The following SAMD3 variants were observed in gnomAD, a reference collection of about 807,000 sequenced individuals.
SAMD3 encodes sterile alpha motif domain containing 3.
A neutral mutation model predicts 58.5 loss-of-function variants in SAMD3; 63 were observed. The ratio of observed to expected loss-of-function variants is 1.08; its 90% CI spans 0.88 to 1.33. SAMD3 has a LOEUF of 1.33. Among genes scored for constraint, SAMD3 ranks in the 40% most tolerant of loss-of-function variants. SAMD3 has a pLI of 0.00. For missense variants in SAMD3, 604 were observed against 608.4 expected, an observed-to-expected ratio of 0.99 and a Z score of 0.08; for synonymous variants, 220 against 210.3, an observed-to-expected ratio of 1.05 and a Z score of -0.40.
chr6:130,288,453 A>G (rs1775242493), intron 2 of SAMD3, among the ~76,000 whole-genome samples: 1 of 138,818 alleles, frequency 7.2e-6, no homozygotes, highest in Non-Finnish European at 1.6e-5. Context: ...TGTTAATCAC[A>G]TCTGAAAAAA....
At chr6:130,242,142 C>T (rs1773381268) in intron 2 of SAMD3, among the ~76,000 whole-genome samples, 2 of 152,136 alleles carry the variant, frequency 1.3e-5, no homozygotes, top group African/African-American at 4.8e-5. Context: ...TTTAGCTACT[C>T]ATATTATAAC....
chr6:130,219,291 G>T (rs999876320), intron 1 of SAMD3, among the ~76,000 whole-genome samples: 1 of 151,926 alleles, frequency 6.6e-6, no homozygotes, highest in Non-Finnish European at 1.5e-5. Flanking sequence ...TATGCTAAAC[G>T]ATATGAAACA....
chr6:130,198,770 A>C (rs1431755893), intron 5 of SAMD3, among the ~76,000 whole-genome samples: 1 of 152,226 alleles, frequency 6.6e-6, no homozygotes, highest in Non-Finnish European at 1.5e-5. Context: ...GTGACTCTTG[A>C]GAATTACAAA....
chr6:130,269,088 CTTAACT>C (rs757608883), intron 2 of SAMD3, among the ~76,000 whole-genome samples: 5 of 152,148 alleles, frequency 3.3e-5, no homozygotes, highest in African/African-American at 4.8e-5. Flanking sequence ...TTCTTATACT[CTTAACT>C]TTAAGTCCGT....
intron 2 of SAMD3, among the ~76,000 whole-genome samples, chr6:130,241,339 CCAAGGAG>C (rs1179988946): frequency 6.6e-6 from 1 of 151,822 alleles, no homozygotes; most frequent in Non-Finnish European, 1.5e-5. Flanking sequence ...CTTCAGCCTC[CCAAGGAG>C]CTGGGACTAC....
At chr6:130,305,914 A>C (rs1379047761) in intron 2 of SAMD3, among the ~76,000 whole-genome samples, 3 of 152,260 alleles carry the variant, frequency 2.0e-5, no homozygotes, top group Non-Finnish European at 4.4e-5. Context: ...CTATTTCTGA[A>C]TACTTGGAAG....
At position 130,292,269 on chromosome 6, in the gene SAMD3, TTC is replaced by T. The variant is rs1491081556; in HGVS notation, c.-188+20707_-188+20708del. On this transcript the variant is annotated intron_variant, in intron 2 of 13. Coordinates refer to the SAMD3 transcript ENST00000368134. ...CAGGAATAACTTTTTTTTTCTTTCTTTCTTTTTTTTTTTTTTTTGAGACGGAG... is the reference window on the plus strand; with the variant it reads ...CAGGAATAACTTTTTTTTTCTTTCTTTTTTTTTTTTTTTTTTGAGACGGAG... 9.6e-3 allele frequency among the ~76,000 whole-genome samples: 1,402 copies of T among 146,410 alleles called. 37 individuals carry two copies. The highest frequency in any genetic ancestry group is 0.029 in the African/African-American group (1,094 of 38,206).
intron 2 of SAMD3, among the ~76,000 whole-genome samples, chr6:130,303,444 C>T (rs1314135461): frequency 6.6e-6 from 1 of 152,150 alleles, no homozygotes; most frequent in African/African-American, 2.4e-5. Flanking sequence ...TTAACATGGC[C>T]AAAAGGTTAA....
intron 5 of SAMD3, among the ~76,000 whole-genome samples, chr6:130,198,641 G>T (rs965106729): frequency 1.3e-5 from 2 of 152,210 alleles, no homozygotes; most frequent in Admixed American, 1.3e-4. Context: ...GAAAAGAAGT[G>T]CCAGGTTACT....
chr6:130,349,323 G>C (rs1030187539), intron 1 of SAMD3, among the ~76,000 whole-genome samples: 2 of 152,116 alleles, frequency 1.3e-5, no homozygotes, highest in African/African-American at 4.8e-5. Context: ...AAAATTGATA[G>C]ACCGCTAGCA....
chr6:130,302,637 T>C (rs1318822132), intron 2 of SAMD3, among the ~76,000 whole-genome samples: 1 of 152,212 alleles, frequency 6.6e-6, no homozygotes, highest in Non-Finnish European at 1.5e-5. Context: ...TGTATGTTTA[T>C]CTCAGCAGTA....
chr6:130,321,639 T>G (rs1221606617), intron 1 of SAMD3, among the ~76,000 whole-genome samples: 2 of 152,264 alleles, frequency 1.3e-5, no homozygotes, highest in African/African-American at 4.8e-5. Flanking sequence ...TTCAAGACAT[T>G]TTTCATCATT....
chr6:130,188,059 C>G (rs374847859), intron 5 of SAMD3, among the ~76,000 whole-genome samples: 16 of 152,252 alleles, frequency 1.1e-4, no homozygotes, highest in East Asian at 1.9e-4. Context: ...GATACTTGGC[C>G]ATATCATTAT....
At chr6:130,310,844 T>C (rs1483534955) in intron 2 of SAMD3, among the ~76,000 whole-genome samples, 5 of 152,204 alleles carry the variant, frequency 3.3e-5, no homozygotes, top group Non-Finnish European at 1.5e-5. Context: ...AGAGAAGAAA[T>C]GGATCCTCCA....
intron 1 of SAMD3, among the ~76,000 whole-genome samples, chr6:130,325,622 C>T (rs1583108918): frequency 1.3e-5 from 2 of 152,214 alleles, no homozygotes; most frequent in Admixed American, 1.3e-4. Context: ...CTCACAGACA[C>T]ACCCAGAAAT....
chr6:130,220,412 C>A (rs1322331682), intron 1 of SAMD3, among the ~76,000 whole-genome samples: 1 of 152,212 alleles, frequency 6.6e-6, no homozygotes, highest in Non-Finnish European at 1.5e-5. Flanking sequence ...TTTTGAGTCA[C>A]AAACACCCTA....
rs376006493 is a variant in SAMD3, at chr6:130,313,825, AG to A, written c.-303-733del. On this transcript the variant is annotated intron_variant, in intron 1 of 13. Coordinates refer to the SAMD3 transcript ENST00000368134. ...GATTTAAGTATTTCCAAGATTCACC[AG>A]AGCTAAGCAGCTTCCTTCCCTGCAA... Among the ~76,000 whole-genome samples, 13 of 152,324 alleles carry A rather than the reference AG, an allele frequency of 8.5e-5. No individual in the cohort carries two copies. In the South Asian group the frequency reaches 2.7e-3, roughly 32 times the overall value.
chr6:130,162,761 A>G (rs1467534338), intron 8 of SAMD3, among the ~76,000 whole-genome samples: 1 of 152,192 alleles, frequency 6.6e-6, no homozygotes, highest in Non-Finnish European at 1.5e-5. Flanking sequence ...GTAACTGGAC[A>G]TACTCCTGGC....
In SAMD3 at chr6:130,365,380, G is replaced by A. The variant is rs573032123; in HGVS notation, c.-564C>T. 3.6e-3 allele frequency: 3,582 copies of A among 985,532 alleles called. 5 individuals carry two copies. Among genetic ancestry groups the A allele is most frequent in the Non-Finnish European group, 4.1e-3 (3,422 of 829,998 alleles). 61.0% of individuals were successfully genotyped at this position (985,532 alleles called of 1,614,324 possible). A position where few individuals can be genotyped will look rare whatever the true frequency, so the allele number is the denominator to read the frequency against. ...AAGCCGTTCTCCGGAACCCCTTGCC[G>A]GGCCGGCGGGAAGCGTGGACGGAGC... On this transcript the variant is annotated 5_prime_UTR_variant, in exon 1 of 14. Transcript: ENST00000368134.
Sources: allele counts gnomAD v4.1 joint callset (sites outside exome capture counted in the v4.1 genomes callset), GRCh38; gene constraint gnomAD v4.1.1; transcripts MANE v1.5; gene names NCBI Gene and HGNC (gene_info 2026-07-23, HGNC 2026-07-21).